Variants in ENTREP2 observed in about 807,000 individuals in gnomAD.
ENTREP2 encodes protein ENTREP2.
chr15:29,151,671 AGAAGCGTCCACTCCTACACTGGTTTC>A, the ENTREP2 span: 32 of 1,317,484 alleles, frequency 2.4e-5, no homozygotes, highest in Non-Finnish European at 3.1e-5. Context: ...GGCTGAAGCC[AGAAGCGTCCACTCCTACACTGGTTTC>A]AAACCGCGCA....
At chr15:29,475,756 G>C in the ENTREP2 span, among the ~76,000 whole-genome samples, 1 of 152,208 alleles carries the variant, frequency 6.6e-6, no homozygotes, top group African/African-American at 2.4e-5. Flanking sequence ...AAGCTAGTTA[G>C]CACCTCTGAT....
At chr15:29,321,008 TTAATAA>T in the ENTREP2 span, among the ~76,000 whole-genome samples, 7 of 152,060 alleles carry the variant, frequency 4.6e-5, no homozygotes, top group African/African-American at 1.2e-4. Flanking sequence ...CAAATGTAAT[TTAATAA>T]TGATAAATTA....
the ENTREP2 span, among the ~76,000 whole-genome samples, chr15:29,401,286 A>G: frequency 6.6e-6 from 1 of 152,206 alleles, no homozygotes; most frequent in Non-Finnish European, 1.5e-5. Flanking sequence ...AACAGACAAA[A>G]GGTTTTCTTA....
chr15:29,394,890 T>G, the ENTREP2 span, among the ~76,000 whole-genome samples: 1 of 125,554 alleles, frequency 8.0e-6, no homozygotes, highest in African/African-American at 2.8e-5. Context: ...CTCTTTTTTT[T>G]TTTTTTTTTT....
the ENTREP2 span, among the ~76,000 whole-genome samples, chr15:29,193,176 CT>C: frequency 6.6e-6 from 1 of 152,062 alleles, no homozygotes; most frequent in East Asian, 1.9e-4. Context: ...TAGGTGTCAA[CT>C]TGACTGGATG....
chr15:29,479,708 C>T, the ENTREP2 span, among the ~76,000 whole-genome samples: 1 of 137,110 alleles, frequency 7.3e-6, no homozygotes, highest in Admixed American at 7.1e-5. Flanking sequence ...CACACACACA[C>T]ATGCTGGGAC....
chr15:29,665,637 C>G, the ENTREP2 span, among the ~76,000 whole-genome samples: 1 of 152,290 alleles, frequency 6.6e-6, no homozygotes, highest in East Asian at 1.9e-4. Context: ...TCTTCCTGAA[C>G]AGCATGCCAG....
the ENTREP2 span, among the ~76,000 whole-genome samples, chr15:29,519,872 G>T: frequency 6.6e-6 from 1 of 152,184 alleles, no homozygotes; most frequent in Non-Finnish European, 1.5e-5. Context: ...CCACCATTGT[G>T]ATTTGTTCCT....
the ENTREP2 span, among the ~76,000 whole-genome samples, chr15:29,444,106 A>C: frequency 6.6e-6 from 1 of 150,872 alleles, no homozygotes; most frequent in Non-Finnish European, 1.5e-5. Context: ...CCGTCTCAAA[A>C]AGAAAGAAAG....
At chr15:29,533,834 A>G in the ENTREP2 span, among the ~76,000 whole-genome samples, 1 of 152,156 alleles carries the variant, frequency 6.6e-6, no homozygotes, top group Admixed American at 6.5e-5. Context: ...GAAAGGAAGA[A>G]GGGAAATACC....
chr15:29,193,711 C>T, the ENTREP2 span, among the ~76,000 whole-genome samples: 1 of 152,168 alleles, frequency 6.6e-6, no homozygotes. Context: ...GTAAAATTGC[C>T]TCTCTTTGCA....
the ENTREP2 span, chr15:29,136,375 A>AG: frequency 6.6e-7 from 1 of 1,504,254 alleles, no homozygotes. Context: ...CCTGGCTGGC[A>AG]GGGGGCTGGC....
At chr15:29,209,913 G>A in the ENTREP2 span, among the ~76,000 whole-genome samples, 1 of 152,170 alleles carries the variant, frequency 6.6e-6, no homozygotes, top group East Asian at 1.9e-4. Context: ...GTGGAAGGAT[G>A]TAAAAGTAAA....
At chr15:29,329,133 C>T in the ENTREP2 span, among the ~76,000 whole-genome samples, 11 of 152,008 alleles carry the variant, frequency 7.2e-5, no homozygotes, top group African/African-American at 2.4e-4. Context: ...GAGGCCGAGG[C>T]GGGTGGATCA....
At chr15:29,489,824 G>A in the ENTREP2 span, among the ~76,000 whole-genome samples, 1 of 152,166 alleles carries the variant, frequency 6.6e-6, no homozygotes, top group Non-Finnish European at 1.5e-5. Flanking sequence ...ACAACCACAG[G>A]CCATGACGGC....
At chr15:29,384,248 T>C in the ENTREP2 span, among the ~76,000 whole-genome samples, 1 of 152,258 alleles carries the variant, frequency 6.6e-6, no homozygotes, top group South Asian at 2.1e-4. Flanking sequence ...ACACCCACTT[T>C]CTTCTTTTTG....
At chr15:29,194,192 T>C in the ENTREP2 span, among the ~76,000 whole-genome samples, 7 of 152,208 alleles carry the variant, frequency 4.6e-5, no homozygotes, top group Non-Finnish European at 1.0e-4. Flanking sequence ...ACGACAGCAA[T>C]AAACAGATAC....
chr15:29,174,284 C>A, the ENTREP2 span, among the ~76,000 whole-genome samples: 1 of 152,154 alleles, frequency 6.6e-6, no homozygotes, highest in Admixed American at 6.5e-5. Context: ...TGTATCAGAA[C>A]GACAACTCAT....
chr15:29,490,107 T>G, the ENTREP2 span, among the ~76,000 whole-genome samples: 1 of 152,204 alleles, frequency 6.6e-6, no homozygotes, highest in Admixed American at 6.5e-5. Flanking sequence ...GCGGAATTGG[T>G]GGGTTCTCGG....
Sources: gnomAD v4.1 joint callset for allele counts (sites outside exome capture counted in the v4.1 genomes callset) on GRCh38, gnomAD v4.1.1 for gene constraint, MANE v1.5 for transcripts, NCBI Gene and HGNC (gene_info 2026-07-23, HGNC 2026-07-21) for gene names.